SLIT1: variants seen among roughly 807,000 people sequenced by gnomAD.
The protein encoded by SLIT1 is slit guidance ligand 1.
Under a neutral mutation model 186.1 loss-of-function variants are expected in SLIT1, and 66 were observed. That is an observed-to-expected ratio of 0.35 (90% CI 0.29 to 0.44). SLIT1 has a LOEUF of 0.44. Among genes scored for constraint, SLIT1 ranks in the 20% least tolerant of loss-of-function variants. The probability of loss-of-function intolerance (pLI) is 1.00; values close to 1 mark genes in which losing one functional copy is unlikely to be tolerated. For missense variants in SLIT1, 1,638 were observed against 2,037.4 expected (o/e 0.80, Z 3.77); for synonymous variants, 761 against 833.8 (o/e 0.91, Z 1.50).
intron 28 of SLIT1, among the ~76,000 whole-genome samples, chr10:97,016,921 G>A (rs12571254): frequency 0.056 from 8,534 of 152,256 alleles, 331 homozygotes; most frequent in East Asian, 0.17. Flanking sequence ...TTTTAAGCTG[G>A]GGTGACAGGG....
chr10:97,130,759 T>G (rs996875485), intron 4 of SLIT1, among the ~76,000 whole-genome samples: 3 of 152,198 alleles, frequency 2.0e-5, no homozygotes, highest in African/African-American at 7.2e-5. Context: ...GAGGATTAAA[T>G]GAGCTAATAT....
intron 29 of SLIT1, 42 bp from the exon 30 acceptor site, chr10:97,013,876 C>T: frequency 2.6e-6 from 4 of 1,541,740 alleles, no homozygotes; most frequent in Non-Finnish European, 3.5e-6. Flanking sequence ...AAGCTGCTCT[C>T]CTGTGCTCTG....
chr10:97,026,629 C>A (rs1440124770), intron 25 of SLIT1, among the ~76,000 whole-genome samples: 1 of 152,136 alleles, frequency 6.6e-6, no homozygotes, highest in Non-Finnish European at 1.5e-5. Context: ...AGCTTTCCAG[C>A]CTACAGCAAA....
At chr10:97,120,227 C>T (rs1849548831) in intron 4 of SLIT1, among the ~76,000 whole-genome samples, 1 of 151,968 alleles carries the variant, frequency 6.6e-6, no homozygotes, top group South Asian at 2.1e-4. Context: ...GTGCCAGGCC[C>T]GCTCCCCACA....
chr10:97,060,038 C>A (rs746714223), intron 10 of SLIT1, 49 bp downstream of exon 10: 29 of 1,492,598 alleles, frequency 1.9e-5, no homozygotes, highest in Non-Finnish European at 2.6e-5. Flanking sequence ...CACCCAGGAT[C>A]TCCGTCAGCC....
intron 8 of SLIT1, among the ~76,000 whole-genome samples, chr10:97,062,926 G>A (rs1396916910): frequency 6.6e-6 from 1 of 152,234 alleles, no homozygotes; most frequent in Non-Finnish European, 1.5e-5. Context: ...CAGGGGGAAG[G>A]TGAAAGGGTG....
intron 34 of SLIT1, among the ~76,000 whole-genome samples, chr10:97,003,741 G>T (rs1278728468): frequency 6.6e-6 from 1 of 152,210 alleles, no homozygotes; most frequent in Non-Finnish European, 1.5e-5. Flanking sequence ...CCAAGACTGG[G>T]AATGGACCTG....
At chr10:97,107,164 AG>A (rs1293231716) in intron 4 of SLIT1, among the ~76,000 whole-genome samples, 4 of 152,256 alleles carry the variant, frequency 2.6e-5, no homozygotes, top group Admixed American at 1.3e-4. Context: ...TGGAAACAAA[AG>A]ATAAAGCACT....
intron 4 of SLIT1, among the ~76,000 whole-genome samples, chr10:97,108,747 G>A (rs1033970035): frequency 2.0e-5 from 3 of 152,140 alleles, no homozygotes; most frequent in Admixed American, 2.0e-4. Flanking sequence ...AATTAGCTGG[G>A]CATGGTGGCA....
At chr10:97,002,626 A>G in intron 35 of SLIT1, 78 bp downstream of exon 35, 2 of 1,375,086 alleles carry the variant, frequency 1.5e-6, no homozygotes, top group South Asian at 2.8e-5. Context: ...TATGGGTTGG[A>G]AAACTGTGAG....
At chr10:97,125,690 T>A (rs1328568998) in intron 4 of SLIT1, among the ~76,000 whole-genome samples, 1 of 151,552 alleles carries the variant, frequency 6.6e-6, no homozygotes, top group Non-Finnish European at 1.5e-5. Context: ...AATACAAAAA[T>A]TAGATGGGCT....
chr10:97,140,620 T>C (rs1226310762), intron 4 of SLIT1, among the ~76,000 whole-genome samples: 2 of 152,120 alleles, frequency 1.3e-5, no homozygotes, highest in African/African-American at 4.8e-5. Context: ...AGGGCCTTTG[T>C]TGAAGGAGCA....
chr10:97,063,581 G>A lies in SLIT1; in HGVS notation c.667C>T (p.Leu223=), dbSNP rs577452766. The A allele has an allele frequency of 5.0e-6, 8 of 1,612,846 alleles. 1 individual carries two copies. The African/African-American group carries it at 9.3e-5, about 19-fold the overall frequency. The change falls in exon 8 of 37, where the codon CTG becomes TTG. Residue 223 remains leucine (L), a synonymous_variant. Transcript: ENST00000266058. ...CTCAGCCACTGCGAGAGCCAGGCCA[G>A]GTGGCAGTCGCAAAACAGGTGGTTG... ...HSNHLFCDCH[L]AWLSQWLRQR...
intron 4 of SLIT1, among the ~76,000 whole-genome samples, chr10:97,090,698 G>A (rs142900118): frequency 2.0e-4 from 31 of 152,294 alleles, no homozygotes; most frequent in East Asian, 1.9e-3. Flanking sequence ...GGAAAAGGGC[G>A]GAAGAGGGTG....
At chr10:97,181,048 A>G (rs979599089) in intron 1 of SLIT1, among the ~76,000 whole-genome samples, 6 of 152,102 alleles carry the variant, frequency 3.9e-5, no homozygotes, top group Admixed American at 1.3e-4. Context: ...CTCACTATCA[A>G]CCTGCACAGC....
intron 1 of SLIT1, among the ~76,000 whole-genome samples, chr10:97,172,295 C>T (rs1412598468): frequency 6.6e-6 from 1 of 152,134 alleles, no homozygotes; most frequent in Non-Finnish European, 1.5e-5. Context: ...ATCCAACTGC[C>T]TCTGTCTCCC....
At chr10:97,027,522 C>T (rs1283218237) in intron 25 of SLIT1, among the ~76,000 whole-genome samples, 4 of 152,168 alleles carry the variant, frequency 2.6e-5, no homozygotes, top group Admixed American at 6.5e-5. Context: ...GATGCTGTTT[C>T]GTAGAGAAAT....
chr10:97,043,282 AG>A lies in SLIT1; in HGVS notation c.1997+87del. 6.5e-7 allele frequency: 1 copy of A among 1,530,132 alleles called. No homozygotes were observed. The highest frequency in any genetic ancestry group is 9.0e-7 in the Non-Finnish European group (1 of 1,111,334). The allele number at this position is 1,530,132 out of a possible 1,614,324, so 94.8% of individuals were successfully genotyped here. A position where few individuals can be genotyped will look rare whatever the true frequency, so the allele number is the denominator to read the frequency against. On this transcript the variant is annotated intron_variant, in intron 19 of 36. Transcript: ENST00000266058. The surrounding 1 kb of genome is among the most constrained non-coding windows in gnomAD (Gnocchi z 7.0). ...CAAACCACGAAGACCCAGCACCCCCAGGGTGAGCTCTTTCAAAGTGGCTGGC... is the reference window on the plus strand; with the variant it reads ...CAAACCACGAAGACCCAGCACCCCCAGGTGAGCTCTTTCAAAGTGGCTGGC...
chr10:97,182,792 C>T (rs529489582), intron 1 of SLIT1, among the ~76,000 whole-genome samples: 9 of 152,316 alleles, frequency 5.9e-5, no homozygotes, highest in South Asian at 2.1e-4. Flanking sequence ...CTGCCCATAT[C>T]GGGCCAGGCA....
Sources: gnomAD v4.1 joint callset for allele counts (sites outside exome capture counted in the v4.1 genomes callset) on GRCh38, gnomAD v4.1.1 for gene constraint, Gnocchi (gnomAD v3.1) non-coding constraint, MANE v1.5 for transcripts, NCBI Gene and HGNC (gene_info 2026-07-23, HGNC 2026-07-21) for gene names.